ZRANB3: variants seen among roughly 807,000 people sequenced by gnomAD.
The protein encoded by ZRANB3 is zinc finger RANBP2-type containing 3, also known as DNA annealing helicase and endonuclease ZRANB3.
ZRANB3 carries 125 observed loss-of-function variants against 133.8 expected under a neutral mutation model. The observed-to-expected ratio is 0.93, with a 90% CI of 0.81 to 1.08. The LOEUF is 1.08. ZRANB3 is among the 50% of genes least tolerant of loss of function. The pLI is 0.00. For missense variants in ZRANB3, 1,229 were observed against 1,275.5 expected (o/e 0.96, Z 0.56); for synonymous variants, 387 against 432.7 (o/e 0.89, Z 1.31).
intron 2 of ZRANB3, among the ~76,000 whole-genome samples, chr2:135,477,884 G>A (rs1188199844): frequency 6.6e-6 from 1 of 152,100 alleles, no homozygotes; most frequent in African/African-American, 2.4e-5. Flanking sequence ...AACTCAGGAG[G>A]CTGAGGTGGA....
intron 12 of ZRANB3, among the ~76,000 whole-genome samples, chr2:135,261,071 T>TA (rs1679940733): frequency 6.6e-6 from 1 of 151,010 alleles, no homozygotes; most frequent in South Asian, 2.1e-4. Flanking sequence ...TTAGAACTGA[T>TA]AAAAATTTTT....
In ZRANB3 at chr2:135,350,150, A is replaced by G. The variant is rs757569708; in HGVS notation, c.425T>C (p.Leu142Ser). The change falls in exon 5 of 21, where the codon TTG becomes TCG. Residue 142 changes from leucine to serine, a missense_variant. Transcript: ENST00000264159. ...GTTCTGATTATTCAGTGCATCTATC[A>G]AAGTCTTTGCATCTGCGGTTAAGAG... is the stretch of plus-strand genomic sequence containing the variant. Reference protein sequence around the residue: ...YGLLTADAKTLIDALNNQNFK... With the variant: ...YGLLTADAKTSIDALNNQNFK... 2.5e-6 allele frequency: 4 copies of G among 1,612,810 alleles called. No individual in the cohort carries two copies. The highest frequency in any genetic ancestry group is 1.3e-5 in the African/African-American group (1 of 74,898).
In ZRANB3 at chr2:135,383,244, AAAG is replaced by A. The variant is rs557409929; in HGVS notation, c.180+7555_180+7557del. ...TAAACCAACAAAGATCAAAAGAGAC[AAAG>A]AAGGTCATTACATAATGGTAAAGGG... On this transcript the variant is annotated intron_variant, in intron 3 of 20. Coordinates refer to ENST00000264159, the MANE Select transcript of ZRANB3 (RefSeq NM_032143.4). Among the ~76,000 whole-genome samples the A allele has an allele frequency of 3.0e-3, 451 of 152,360 alleles. 3 individuals carry two copies. Among genetic ancestry groups the A allele is most frequent in the African/African-American group, 0.01 (420 of 41,580 alleles).
At chr2:135,335,049 G>A (rs550520240) in intron 6 of ZRANB3, among the ~76,000 whole-genome samples, 190 of 152,154 alleles carry the variant, frequency 1.2e-3, no homozygotes, top group Admixed American at 3.1e-3. Flanking sequence ...ATTAAGCCCC[G>A]TATGCATTAG....
At chr2:135,288,813 T>C (rs756484625) in intron 8 of ZRANB3, among the ~76,000 whole-genome samples, 66 of 152,156 alleles carry the variant, frequency 4.3e-4, no homozygotes, top group Non-Finnish European at 4.1e-4. Flanking sequence ...TTGGTTAGCC[T>C]CACTAATAGT....
chr2:135,200,135 C>T lies in ZRANB3; in HGVS notation c.*207G>A. The T allele has an allele frequency of 3.1e-6, 2 of 637,222 alleles. No individual in the cohort carries two copies. Among genetic ancestry groups the T allele is most frequent in the East Asian group, 2.9e-5 (1 of 34,182 alleles). The allele number at this position is 637,222 out of a possible 1,614,324, so 39.5% of individuals were successfully genotyped here. A position where few individuals can be genotyped will look rare whatever the true frequency, so the allele number is the denominator to read the frequency against. The stretch of plus-strand genomic sequence containing the variant: ...AGTCTGAATCAAATCAAAAAGACCA[C>T]AGAAATATTCAGTATTGTATCTTAG... On this transcript the variant is annotated 3_prime_UTR_variant, in exon 21 of 21. Coordinates refer to ENST00000264159, the MANE Select transcript of ZRANB3 (RefSeq NM_032143.4).
chr2:135,238,851 TC>T (rs1201739963), intron 12 of ZRANB3: 1 of 152,124 alleles, frequency 6.6e-6, no homozygotes, highest in Non-Finnish European at 1.5e-5. Context: ...CCAGAAAAGC[TC>T]CCAGGTGACA....
chr2:135,443,635 C>T (rs1689890453), intron 2 of ZRANB3, among the ~76,000 whole-genome samples: 1 of 152,024 alleles, frequency 6.6e-6, no homozygotes, highest in Non-Finnish European at 1.5e-5. Context: ...GGTACTCTCC[C>T]CAAAAGTCCA....
At chr2:135,373,887 C>T (rs1686300546) in intron 3 of ZRANB3, among the ~76,000 whole-genome samples, 1 of 144,548 alleles carries the variant, frequency 6.9e-6, no homozygotes, top group Non-Finnish European at 1.5e-5. Context: ...AGAAAACTAA[C>T]ATTTGTTGGG....
chr2:135,437,921 T>C (rs1558999262), intron 2 of ZRANB3, among the ~76,000 whole-genome samples: 1 of 152,206 alleles, frequency 6.6e-6, no homozygotes, highest in Non-Finnish European at 1.5e-5. Flanking sequence ...CCAATGTGAG[T>C]GGGTACCATC....
chr2:135,288,479 T>G (rs1681507173), intron 8 of ZRANB3, among the ~76,000 whole-genome samples: 2 of 151,856 alleles, frequency 1.3e-5, no homozygotes, highest in Admixed American at 6.6e-5. Context: ...CCACTTTATC[T>G]TTCGGAACAG....
chr2:135,207,983 T>A (rs1693949635), intron 18 of ZRANB3, 147 bp from the exon 19 acceptor site: 1 of 761,464 alleles, frequency 1.3e-6, no homozygotes, highest in Admixed American at 3.1e-5. Flanking sequence ...CAGTCAGCAC[T>A]CTATATTCCA....
chr2:135,479,638 C>G (rs1403430498), intron 2 of ZRANB3, among the ~76,000 whole-genome samples: 1 of 151,962 alleles, frequency 6.6e-6, no homozygotes, highest in Non-Finnish European at 1.5e-5. Flanking sequence ...TGCACTCCAG[C>G]CTGGGTGACA....
chr2:135,224,190 A>G (rs955052660), intron 15 of ZRANB3, among the ~76,000 whole-genome samples: 2 of 152,242 alleles, frequency 1.3e-5, no homozygotes, highest in Non-Finnish European at 2.9e-5. Context: ...AATGTGTCCA[A>G]GATTACATAC....
chr2:135,402,643 A>G (rs1313544341), intron 2 of ZRANB3, among the ~76,000 whole-genome samples: 2 of 149,172 alleles, frequency 1.3e-5, no homozygotes, highest in African/African-American at 2.5e-5. Flanking sequence ...CTGGAGTGCA[A>G]TGGTGCGATC....
rs112676334 is a variant in ZRANB3 at position 135,209,943 on chromosome 2, T to C, written c.2496-965A>G. On this transcript the variant is annotated intron_variant, in intron 17 of 20. Transcript: ENST00000264159. ...CTTTTTTAATAAACTATTTTATTAA[T>C]TTTTGATTAGGTGATATAAGCACAT... Among the ~76,000 whole-genome samples, 452 of 152,346 alleles carry C rather than the reference T, an allele frequency of 3.0e-3. 3 individuals carry two copies. The highest frequency in any genetic ancestry group is 0.01 in the African/African-American group (422 of 41,584).
intron 12 of ZRANB3, among the ~76,000 whole-genome samples, chr2:135,235,356 G>A (rs1473087590): frequency 2.6e-5 from 4 of 152,282 alleles, no homozygotes; most frequent in African/African-American, 9.6e-5. Context: ...TCTACGAGAG[G>A]TACAAGGAAG....
chr2:135,517,102 G>A (rs1396135118), intron 1 of ZRANB3, among the ~76,000 whole-genome samples: 2 of 151,900 alleles, frequency 1.3e-5, no homozygotes, highest in African/African-American at 4.8e-5. Flanking sequence ...AAGTTCTCAT[G>A]CTGTGTTTTT....
chr2:135,438,215 CCTGA>C (rs1226614522), intron 2 of ZRANB3, among the ~76,000 whole-genome samples: 1 of 151,948 alleles, frequency 6.6e-6, no homozygotes, highest in African/African-American at 2.4e-5. Context: ...CTCTGGAAAC[CCTGA>C]CTAACATGGA....
Sources: gnomAD v4.1 joint callset for allele counts (sites outside exome capture counted in the v4.1 genomes callset) on GRCh38, gnomAD v4.1.1 for gene constraint, MANE v1.5 for transcripts, NCBI Gene and HGNC (gene_info 2026-07-23, HGNC 2026-07-21) for gene names.